PLTP: variants seen among roughly 807,000 people sequenced by gnomAD.
PLTP encodes the protein BPI fold containing family E.
Under a neutral mutation model 54.1 loss-of-function variants are expected in PLTP, and 43 were observed. The ratio of observed to expected loss-of-function variants is 0.79; its 90% CI spans 0.62 to 1.02. The LOEUF is 1.02. Among genes scored for constraint, PLTP ranks in the 50% least tolerant of loss-of-function variants. PLTP has a pLI of 0.00. For missense variants in PLTP, 604 were observed against 645.9 expected (o/e 0.94, Z 0.70); for synonymous variants, 263 against 264.6 (o/e 0.99, Z 0.06).
At chr20:45,902,365 G>T in intron 11 of PLTP, 31 bp from the exon 12 acceptor site, 1 of 1,614,086 alleles carries the variant, frequency 6.2e-7, no homozygotes, top group Non-Finnish European at 8.5e-7. Context: ...GGATGTTACT[G>T]ACCCAGAAGG....
intron 13 of PLTP, 44 bp downstream of exon 13, chr20:45,899,792 G>A: frequency 1.3e-6 from 2 of 1,564,414 alleles, no homozygotes; most frequent in Non-Finnish European, 1.7e-6. Flanking sequence ...TGAGGGTCAG[G>A]ATCTCACGAA....
intron 8 of PLTP, 62 bp from the exon 9 acceptor site, chr20:45,905,180 A>C: frequency 6.7e-7 from 1 of 1,487,208 alleles, no homozygotes; most frequent in East Asian, 2.3e-5. Context: ...GACTGACAGC[A>C]GGTGTCTCCC....
intron 15 of PLTP, 47 bp downstream of exon 15, chr20:45,899,415 G>T: frequency 6.3e-7 from 1 of 1,587,548 alleles, no homozygotes; most frequent in Non-Finnish European, 8.6e-7. Context: ...GGGAGCTATA[G>T]AGAGAGGGGA....
At chr20:45,899,748 G>T in intron 13 of PLTP, 63 bp from the exon 14 acceptor site, 1 of 1,605,392 alleles carries the variant, frequency 6.2e-7, no homozygotes, top group Non-Finnish European at 8.5e-7. Flanking sequence ...TTAGCTGCCC[G>T]CAGGTGAGCA....
At chr20:45,910,218 C>CTTAGACTTGGGTGGCTCAAAG (rs2083277630) in intron 3 of PLTP, 148 bp from the exon 4 acceptor site, 1 of 872,344 alleles carries the variant, frequency 1.1e-6, no homozygotes, top group Admixed American at 2.0e-5. Flanking sequence ...AAGTGCCCAA[C>CTTAGACTTGGGTGGCTCAAAG]TTAGACTTGG....
At chr20:45,908,570 C>T (rs534869302) in intron 5 of PLTP, among the ~76,000 whole-genome samples, 8 of 152,166 alleles carry the variant, frequency 5.3e-5, no homozygotes, top group South Asian at 2.1e-4. Flanking sequence ...TAGGCCGAGG[C>T]GGACAGACCA....
rs762677517 is a variant in PLTP at position 45,905,118 on chromosome 20, C to T, written c.706G>A (p.Gly236Arg). Residue 236 changes from glycine (G) to arginine (R), a missense_variant and splice_region_variant, in exon 9 of 16, where the codon GGG becomes AGG. Transcript: ENST00000372431. ...STSNLDMDFR[G>R]AFFPLTERNW... The stretch of plus-strand genomic sequence containing the variant: ...CTCTCAGTCAGGGGGAAGAAGGCCC[C>T]CTGGGGTGGGGCATTCACAGTCAGG... The T allele has an allele frequency of 1.2e-6, 2 of 1,613,714 alleles. No homozygotes were observed. Among genetic ancestry groups the T allele is most frequent in the African/African-American group, 2.7e-5 (2 of 74,942 alleles).
chr20:45,907,817 C>A (rs1417696373), intron 6 of PLTP, 24 bp downstream of exon 6: 2 of 1,605,920 alleles, frequency 1.2e-6, no homozygotes, highest in Non-Finnish European at 1.7e-6. Flanking sequence ...CCCTTGCCAC[C>A]CTGCGACCTG....
chr20:45,911,527 A>T, intron 1 of PLTP, 64 bp from the exon 2 acceptor site: 1 of 1,593,062 alleles, frequency 6.3e-7, no homozygotes. Context: ...TGGACGTCCA[A>T]CCATAAGTGG....
chr20:45,899,455 C>A lies in PLTP; in HGVS notation c.1359+7G>T. ...CCTCCCTCCTTCCCCATCCTGCCCC[C>A]ACTCACCGCATGGTTCGTCACCACC... is the stretch of plus-strand genomic sequence containing the variant. On this transcript the variant is annotated splice_region_variant and intron_variant, in intron 15 of 15. Transcript: ENST00000372431. 6.2e-7 allele frequency: 1 copy of A among 1,613,914 alleles called. No homozygotes were observed. The highest frequency in any genetic ancestry group is 8.5e-7 in the Non-Finnish European group (1 of 1,179,894).
chr20:45,908,829 ATTAT>A (rs1455253174), intron 5 of PLTP, among the ~76,000 whole-genome samples: 4 of 152,086 alleles, frequency 2.6e-5, no homozygotes, highest in Non-Finnish European at 5.9e-5. Context: ...TTTTGTTATT[ATTAT>A]TTAGAGATAC....
At chr20:45,904,723 C>A in intron 10 of PLTP, 77 bp downstream of exon 10, 1 of 1,425,094 alleles carries the variant, frequency 7.0e-7, no homozygotes, top group Non-Finnish European at 9.9e-7. Context: ...GTGGCTGCCA[C>A]TGGGGGCCCC....
At chr20:45,912,053 C>A (rs2294213) in intron 1 of PLTP, 26 bp downstream of exon 1, 1 of 164,786 alleles carries the variant, frequency 6.1e-6, no homozygotes, top group African/African-American at 2.4e-5. Context: ...GGACTGGGAA[C>A]GGGATAGGGA....
chr20:45,903,858 C>G (rs567085584), intron 10 of PLTP, among the ~76,000 whole-genome samples: 1 of 151,696 alleles, frequency 6.6e-6, no homozygotes. Context: ...AAAAAAAGAT[C>G]TGACTAAAAA....
Position 45,905,074 on chromosome 20 carries a change from G to A in PLTP, c.750C>T (p.Asn250=). The change falls in exon 9 of 16, where the codon AAC becomes AAT. Residue 250 remains asparagine (N), a synonymous_variant. Coordinates refer to ENST00000372431, the MANE Select transcript of PLTP (RefSeq NM_006227.4). Reference sequence around the variant, plus strand: ...CCTGCAGCTGGGGCTCCACTGCCCGGTTGGGGAGGCTCCAGTTCCTCTCAG... The same window carrying A: ...CCTGCAGCTGGGGCTCCACTGCCCGATTGGGGAGGCTCCAGTTCCTCTCAG... The part of the protein sequence containing the change: ...PLTERNWSLP[N]RAVEPQLQEE... 6.2e-7 allele frequency: 1 copy of A among 1,614,218 alleles called. No homozygotes were observed. Among genetic ancestry groups the A allele is most frequent in the African/African-American group, 1.3e-5 (1 of 75,068 alleles).
chr20:45,909,821 T>C (rs2083273888), intron 4 of PLTP, 121 bp downstream of exon 4: 1 of 1,455,370 alleles, frequency 6.9e-7, no homozygotes, highest in African/African-American at 1.4e-5. Context: ...CATATGCCTG[T>C]TTCTGTTACA....
chr20:45,909,853 A>G, intron 4 of PLTP, 89 bp downstream of exon 4: 1 of 1,541,712 alleles, frequency 6.5e-7, no homozygotes, highest in East Asian at 2.2e-5. Context: ...ACGGAAACTC[A>G]GGAAGGCTAA....
Position 45,899,824 on chromosome 20 carries a change from T to A in PLTP, c.1218+12A>T. 1 of 125,100 alleles carries A rather than the reference T, an allele frequency of 8.0e-6. No homozygotes were observed. The highest frequency in any genetic ancestry group is 1.5e-5 in the Non-Finnish European group (1 of 65,864). The allele number at this position is 125,100 out of a possible 1,614,324, so 7.7% of individuals were successfully genotyped here. Reference sequence around the variant, plus strand: ...CGAACCCAGCCCAGCCCACCCACCCTTCCCCACTCACAGCCAGCGACTCCA... The same window carrying A: ...CGAACCCAGCCCAGCCCACCCACCCATCCCCACTCACAGCCAGCGACTCCA... On this transcript the variant is annotated intron_variant, in intron 13 of 15. Coordinates refer to ENST00000372431, the MANE Select transcript of PLTP (RefSeq NM_006227.4).
At position 45,909,525 on chromosome 20, in the gene PLTP, C is replaced by T. The variant is rs753005790; in HGVS notation, c.476G>A (p.Gly159Glu). The T allele has an allele frequency of 6.2e-7, 1 of 1,614,040 alleles. No individual in the cohort carries two copies. Among genetic ancestry groups the T allele is most frequent in the Non-Finnish European group, 8.5e-7 (1 of 1,179,992 alleles). The change falls in exon 5 of 16, where the codon GGA (glycine) becomes GAA (glutamate). Residue 159 changes from glycine (G) to glutamate (E), a missense_variant. Transcript: ENST00000372431. ...SVSRMHAAFG[G>E]TFKKVYDFLS... ...TGGGGCTGGGGCTTACTTGAAGGTTCCCCCGAAGGCCGCGTGCATTCTGGA... is the reference window on the plus strand; with the variant it reads ...TGGGGCTGGGGCTTACTTGAAGGTTTCCCCGAAGGCCGCGTGCATTCTGGA...
Sources: gnomAD v4.1 joint callset for allele counts (sites outside exome capture counted in the v4.1 genomes callset) on GRCh38, gnomAD v4.1.1 for gene constraint, MANE v1.5 for transcripts, NCBI Gene and HGNC (gene_info 2026-07-23, HGNC 2026-07-21) for gene names.